The following SPTBN1 variants were observed in gnomAD, a reference collection of about 807,000 sequenced individuals.
SPTBN1 encodes the protein spectrin beta, non-erythrocytic 1, also known as spectrin beta chain, non-erythrocytic 1.
A neutral mutation model predicts 266.4 loss-of-function variants in SPTBN1; 32 were observed. The ratio of observed to expected loss-of-function variants is 0.12; its 90% confidence interval spans 0.09 to 0.16. The LOEUF (loss-of-function observed/expected upper bound fraction) is 0.16. SPTBN1 is among the 10% of genes least tolerant of loss of function. SPTBN1 has a pLI of 1.00. For synonymous variants in SPTBN1, 1,336 were observed against 1,162.2 expected (o/e 1.15, Z -3.04); for missense variants, 2,296 against 3,067.1 (o/e 0.75, Z 5.94).
chr2:54,599,853 C>T (rs555378868), intron 3 of SPTBN1, among the ~76,000 whole-genome samples: 2 of 152,286 alleles, frequency 1.3e-5, no homozygotes, highest in South Asian at 4.1e-4. Flanking sequence ...AGAGCTGCTG[C>T]GGCCCTCTCT....
chr2:54,624,901 T>G lies in SPTBN1; in HGVS notation c.1280T>G (p.Phe427Cys). ...AAACTGGAACAGCTCGCCCGCAGAT[T>G]TGATCGCAAGGCAGCTATGAGGGAG... ...QEKLEQLARR[F>C]DRKAAMRETW... is the part of the protein sequence containing the mutation. The change falls in exon 11 of 36, where the codon TTT becomes TGT. Residue 427 changes from phenylalanine (F) to cysteine (C), a missense_variant. Physicochemically the swap from Phe to Cys is radical, Grantham distance 205. Coordinates refer to ENST00000356805, the MANE Select transcript of SPTBN1 (RefSeq NM_003128.3). 1 of 1,613,942 alleles carries G rather than the reference T, an allele frequency of 6.2e-7. No individual in the cohort carries two copies. The highest frequency in any genetic ancestry group is 8.5e-7 in the Non-Finnish European group (1 of 1,179,948).
At chr2:54,641,225 C>G (rs1679527907) in intron 18 of SPTBN1, among the ~76,000 whole-genome samples, 1 of 152,180 alleles carries the variant, frequency 6.6e-6, no homozygotes, top group Admixed American at 6.5e-5. Flanking sequence ...TCGCATGATG[C>G]TTTATCTGTA....
At chr2:54,568,375 A>G (rs1434688688) in intron 2 of SPTBN1, among the ~76,000 whole-genome samples, 1 of 150,988 alleles carries the variant, frequency 6.6e-6, no homozygotes, top group Non-Finnish European at 1.5e-5. Context: ...AAAAAAAAGA[A>G]GAAGAAGCAC....
At chr2:54,547,731 C>T (rs188190015) in intron 2 of SPTBN1, among the ~76,000 whole-genome samples, 39 of 150,618 alleles carry the variant, frequency 2.6e-4, no homozygotes, top group African/African-American at 5.5e-4. Context: ...ATTAAGGTAT[C>T]GGTGATAAAA....
chr2:54,529,477 C>T (rs775312529), intron 2 of SPTBN1: 3 of 715,784 alleles, frequency 4.2e-6, no homozygotes, highest in Non-Finnish European at 7.8e-6. Flanking sequence ...GCATGTCACC[C>T]ACCTTCCAGC....
intron 34 of SPTBN1, among the ~76,000 whole-genome samples, chr2:54,666,649 A>G (rs1681388137): frequency 1.3e-5 from 2 of 152,214 alleles, no homozygotes; most frequent in Non-Finnish European, 2.9e-5. Context: ...GTATCTCCCT[A>G]CAGAGTGGAG....
Position 54,644,636 on chromosome 2 carries a change from A to G in SPTBN1, c.4269+50A>G, listed in dbSNP as rs74580675. On this transcript the variant is annotated intron_variant, in intron 20 of 35. Transcript: ENST00000356805. ...TTGGGTGTATTTCTGTTTTACAGCC[A>G]TAGTCCTTAGAGTCTTTTCTCACCC... 2,286 of 1,557,704 alleles carry G rather than the reference A, an allele frequency of 1.5e-3. 47 individuals carry two copies. In the African/African-American group the frequency reaches 0.028, roughly 19 times the overall value.
At chr2:54,666,288 C>G (rs1393558716) in intron 34 of SPTBN1, among the ~76,000 whole-genome samples, 200 bp downstream of exon 34, 1 of 152,130 alleles carries the variant, frequency 6.6e-6, no homozygotes, top group Non-Finnish European at 1.5e-5. Context: ...CACCAGCTTC[C>G]CTGTGGTTAA....
At chr2:54,531,595 GTT>G in intron 2 of SPTBN1, among the ~76,000 whole-genome samples, 1 of 149,154 alleles carries the variant, frequency 6.7e-6, no homozygotes, top group South Asian at 2.1e-4. Context: ...GGCTATATCG[GTT>G]TTTGTTTTTT....
rs1261025315 is a variant in SPTBN1 at position 54,624,770 on chromosome 2, G to A, written c.1183-34G>A. The A allele has an allele frequency of 1.9e-6, 3 of 1,613,498 alleles. No homozygotes were observed. In the Admixed American group the frequency reaches 5.0e-5, roughly 27 times the overall value. On this transcript the variant is annotated intron_variant, in intron 10 of 35. Transcript: ENST00000356805. ...GTTTCCTTGAACACTGCAGGAAACT[G>A]TGTTTGTGTGTGTGTGTATTTTCAT... is the stretch of plus-strand genomic sequence containing the variant.
At chr2:54,503,924 A>G (rs1184344530) in intron 1 of SPTBN1, among the ~76,000 whole-genome samples, 1 of 152,242 alleles carries the variant, frequency 6.6e-6, no homozygotes, top group Non-Finnish European at 1.5e-5. Context: ...AAACAGCCAT[A>G]ACAAACCATA....
In SPTBN1 at chr2:54,645,711, A is replaced by G. The variant is rs1019971851; in HGVS notation, c.4495-217A>G. On this transcript the variant is annotated intron_variant, in intron 21 of 35. Transcript: ENST00000356805. This position sits in a 1 kb window ranked among gnomAD's most constrained non-coding sequence, Gnocchi z 4.3. ...GACTTTTTAAAAGTAATGAGGACTC[A>G]CAGTGAGTTTGACCTTGAGGATGAG... Among the ~76,000 whole-genome samples the G allele has an allele frequency of 6.6e-6, 1 of 152,206 alleles. No individual in the cohort carries two copies. Among genetic ancestry groups the G allele is most frequent in the African/African-American group, 2.4e-5 (1 of 41,442 alleles).
rs1030299936 is a variant in SPTBN1, at chr2:54,644,682, C to T, written c.4269+96C>T. The T allele has an allele frequency of 4.1e-6, 6 of 1,478,262 alleles. No individual in the cohort carries two copies. In the Admixed American group the frequency reaches 1.2e-4, roughly 29 times the overall value. 91.6% of individuals were successfully genotyped at this position (1,478,262 alleles called of 1,614,324 possible). ...CACCCACTGCATTATCAGGAGTCCA[C>T]CTTCCATGGGAAGGCATTTTTAACC... On this transcript the variant is annotated intron_variant, in intron 20 of 35. Transcript: ENST00000356805.
In SPTBN1 at chr2:54,533,900, T is replaced by TCACACA. The variant is rs70944176; in HGVS notation, c.148+7356_148+7361dup. The stretch of plus-strand genomic sequence containing the variant: ...ATTGATCTCTCTCTCTGTCTCTCTC[T>TCACACA]CACACACACACACACACACACACAC... On this transcript the variant is annotated intron_variant, in intron 2 of 35. Transcript: ENST00000356805. The surrounding 1 kb of genome is among the most constrained non-coding windows in gnomAD (Gnocchi z 4.2). Among the ~76,000 whole-genome samples the TCACACA allele has an allele frequency of 1.3e-5, 2 of 150,218 alleles. No individual in the cohort carries two copies. Among genetic ancestry groups the TCACACA allele is most frequent in the Non-Finnish European group, 1.5e-5 (1 of 67,642 alleles).
At chr2:54,544,835 G>T (rs1672142857) in intron 2 of SPTBN1, among the ~76,000 whole-genome samples, 1 of 152,058 alleles carries the variant, frequency 6.6e-6, no homozygotes, top group Non-Finnish European at 1.5e-5. Context: ...ATGCAGGTTT[G>T]TTACATAGGT....
chr2:54,623,623 G>T (rs562456760), intron 10 of SPTBN1, 27 bp downstream of exon 10: 1 of 1,573,448 alleles, frequency 6.4e-7, no homozygotes, highest in Non-Finnish European at 8.7e-7. Flanking sequence ...CTCTGCATGG[G>T]CCCTGACCTC....
chr2:54,657,882 A>G lies in SPTBN1; in HGVS notation c.6079A>G (p.Ser2027Gly). The G allele has an allele frequency of 6.2e-7, 1 of 1,614,234 alleles. No homozygotes were observed. Among genetic ancestry groups the G allele is most frequent in the Non-Finnish European group, 8.5e-7 (1 of 1,180,046 alleles). Residue 2027 changes from serine to glycine, a missense_variant, in exon 30 of 36, where the codon AGT becomes GGT. Coordinates refer to ENST00000356805, the MANE Select transcript of SPTBN1 (RefSeq NM_003128.3). ...GGTCCATCAGTTCTCAAGAGACGCC[A>G]GTGTGGCCGAGGCCTGGCTGCTTGG... is the stretch of plus-strand genomic sequence containing the variant. ...LEVHQFSRDA[S>G]VAEAWLLGQE...
At chr2:54,584,526 G>C (rs1675156246) in intron 2 of SPTBN1, among the ~76,000 whole-genome samples, 1 of 152,114 alleles carries the variant, frequency 6.6e-6, no homozygotes, top group African/African-American at 2.4e-5. Flanking sequence ...GTAGGTGAAA[G>C]GATTTGTCTT....
chr2:54,595,616 G>A (rs1211508785), intron 2 of SPTBN1, among the ~76,000 whole-genome samples: 2 of 152,258 alleles, frequency 1.3e-5, no homozygotes, highest in Non-Finnish European at 2.9e-5. Context: ...CCTTGGTGGC[G>A]TGAGTGGGCC....
Sources: gnomAD v4.1 joint callset for allele counts (sites outside exome capture counted in the v4.1 genomes callset) on GRCh38, gnomAD v4.1.1 for gene constraint, Gnocchi (gnomAD v3.1) non-coding constraint, MANE v1.5 for transcripts, NCBI Gene and HGNC (gene_info 2026-07-23, HGNC 2026-07-21) for gene names.